PCDH15: variants seen among roughly 807,000 people sequenced by gnomAD.
PCDH15 encodes the protein protocadherin related 15.
Under a neutral mutation model 178.5 loss-of-function variants are expected in PCDH15, and 129 were observed. The ratio of observed to expected loss-of-function variants is 0.72; its 90% confidence interval spans 0.63 to 0.84. The LOEUF (loss-of-function observed/expected upper bound fraction) is 0.84, where lower values mean the gene tolerates loss of function less well. PCDH15 is among the 40% of genes least tolerant of loss of function. The pLI, the probability that PCDH15 is intolerant of heterozygous loss-of-function variation, is 0.00. For missense variants in PCDH15, 2,230 were observed against 2,099.9 expected, an observed-to-expected ratio of 1.06 and a Z score of -1.21; for synonymous variants, 800 against 732.0, an observed-to-expected ratio of 1.09 and a Z score of -1.50.
intron 15 of PCDH15, among the ~76,000 whole-genome samples, chr10:54,118,891 T>C (rs747957554): frequency 4.6e-5 from 7 of 151,226 alleles, no homozygotes; most frequent in South Asian, 2.1e-4. Context: ...AAAACGGGAA[T>C]CCAATGGAAT....
chr10:54,853,400 C>CAT (rs1275285752), intron 3 of PCDH15, among the ~76,000 whole-genome samples: 2 of 58,282 alleles, frequency 3.4e-5, no homozygotes, highest in African/African-American at 1.4e-4. Flanking sequence ...TATATATACA[C>CAT]ACACATATAT....
intron 14 of PCDH15, among the ~76,000 whole-genome samples, chr10:54,136,962 T>C (rs10733925): frequency 0.65 from 99,079 of 152,096 alleles, 34,155 homozygotes; most frequent in East Asian, 0.9. Context: ...CATGTCCCTA[T>C]AATGTGTTTA....
chr10:55,297,395 T>A (rs1843160259), intron 1 of PCDH15, among the ~76,000 whole-genome samples: 1 of 152,172 alleles, frequency 6.6e-6, no homozygotes, highest in Non-Finnish European at 1.5e-5. Context: ...CTTAATTGAA[T>A]TCACAGAACC....
rs566708282 is a variant in PCDH15 at position 55,081,212 on chromosome 10, AT to A, written c.-80+85363del. ...TCCTTCTCTGCCTCAGATGTTTCCT[AT>A]GTTGAGCTTCAGTGTTCTCTTTTAG... On this transcript the variant is annotated intron_variant, in intron 2 of 5. Coordinates refer to the PCDH15 transcript ENST00000458638. Among the ~76,000 whole-genome samples, 329 of 152,140 alleles carry A rather than the reference AT, an allele frequency of 2.2e-3. 1 individual carries two copies. Among genetic ancestry groups the A allele is most frequent in the Non-Finnish European group, 3.9e-3 (268 of 67,992 alleles).
intron 18 of PCDH15, among the ~76,000 whole-genome samples, chr10:54,045,289 G>C (rs897941881): frequency 6.6e-6 from 1 of 152,066 alleles, no homozygotes; most frequent in African/African-American, 2.4e-5. Flanking sequence ...TAGAGATCCT[G>C]GTTTTCTGAA....
At chr10:53,890,291 G>C (rs1387459076) in intron 26 of PCDH15, among the ~76,000 whole-genome samples, 2 of 152,116 alleles carry the variant, frequency 1.3e-5, no homozygotes, top group Non-Finnish European at 2.9e-5. Flanking sequence ...GCTAGACTTG[G>C]TGGCACATGC....
At chr10:54,107,975 G>A (rs7080145) in intron 15 of PCDH15, among the ~76,000 whole-genome samples, 88,245 of 151,878 alleles carry the variant, frequency 0.58, 26,415 homozygotes, top group Middle Eastern at 0.67. Flanking sequence ...CCCAAAGATG[G>A]TTACAAGGGC....
chr10:55,218,399 G>A (rs559561589), intron 1 of PCDH15, among the ~76,000 whole-genome samples: 1 of 152,022 alleles, frequency 6.6e-6, no homozygotes, highest in Admixed American at 6.6e-5. Flanking sequence ...ATATGAATGA[G>A]GAAAAGCAAT....
chr10:54,663,436 A>AAT (rs997278576), intron 2 of PCDH15, among the ~76,000 whole-genome samples: 30 of 148,088 alleles, frequency 2.0e-4, no homozygotes, highest in South Asian at 4.2e-4. Context: ...TATATATATA[A>AAT]ATATATATAT....
At position 54,247,530 on chromosome 10, in the gene PCDH15, A is replaced by G. The variant is rs557598261; in HGVS notation, c.877-10599T>C. ...TTTTGAGAATCTATTTATAATTTCA[A>G]TATCTTTGAGCTTCCTAAATTGCTG... On this transcript the variant is annotated intron_variant, in intron 8 of 37. Transcript: ENST00000644397. Among the ~76,000 whole-genome samples, 5 of 152,122 alleles carry G rather than the reference A, an allele frequency of 3.3e-5. No individual in the cohort carries two copies. In the East Asian group the frequency reaches 5.8e-4, roughly 18 times the overall value.
At position 54,752,476 on chromosome 10, in the gene PCDH15, CAA is replaced by C. The variant is rs755874514; in HGVS notation, c.-29+48447_-29+48448del. On this transcript the variant is annotated intron_variant, in intron 1 of 37. Coordinates refer to ENST00000644397, the MANE Select transcript of PCDH15 (RefSeq NM_001384140.1). Reference sequence around the variant, plus strand: ...TGGGTGACAGAACGAGACTCCGTCTCAAAAAAAAAAAAAAACAAAAAACAAAA... The same window carrying C: ...TGGGTGACAGAACGAGACTCCGTCTCAAAAAAAAAAAAACAAAAAACAAAA... Among the ~76,000 whole-genome samples, 329 of 89,762 alleles carry C rather than the reference CAA, an allele frequency of 3.7e-3. 14 individuals carry two copies. Among genetic ancestry groups the C allele is most frequent in the African/African-American group, 0.013 (284 of 22,692 alleles). 58.9% of individuals were successfully genotyped at this position (89,762 alleles called of 152,430 possible).
intron 2 of PCDH15, among the ~76,000 whole-genome samples, chr10:54,947,517 C>A (rs1838224654): frequency 3.3e-5 from 5 of 151,892 alleles, no homozygotes; most frequent in Admixed American, 3.3e-4. Context: ...AGAACTATTT[C>A]TTAAACCCAG....
chr10:54,451,129 T>C (rs12268071), intron 3 of PCDH15, among the ~76,000 whole-genome samples: 7,124 of 151,954 alleles, frequency 0.047, 356 homozygotes, highest in African/African-American at 0.12. Flanking sequence ...ATTGCCAAGA[T>C]TGCACTGACT....
intron 26 of PCDH15, among the ~76,000 whole-genome samples, chr10:53,877,845 G>C (rs2080357768): frequency 6.6e-6 from 1 of 152,032 alleles, no homozygotes; most frequent in African/African-American, 2.4e-5. Context: ...TCTCAGTTCT[G>C]TATAATACTT....
chr10:54,649,540 T>G (rs1470522837), intron 2 of PCDH15, among the ~76,000 whole-genome samples: 1 of 152,096 alleles, frequency 6.6e-6, no homozygotes, highest in Admixed American at 6.6e-5. Flanking sequence ...CTCTCATCAG[T>G]ATTCCAATTT....
intron 3 of PCDH15, among the ~76,000 whole-genome samples, chr10:54,876,886 G>A (rs902321080): frequency 1.4e-4 from 21 of 152,132 alleles, no homozygotes; most frequent in Non-Finnish European, 8.8e-5. Flanking sequence ...AGTTTGAGAG[G>A]ATTGACTAAT....
intron 29 of PCDH15, among the ~76,000 whole-genome samples, chr10:53,833,909 G>GT (rs2077155713): frequency 6.6e-6 from 1 of 152,154 alleles, no homozygotes; most frequent in East Asian, 1.9e-4. Flanking sequence ...TTCAGGAAAG[G>GT]TTGAATCCAG....
chr10:55,394,006 G>A (rs1312892780), intron 2 of PCDH15, among the ~76,000 whole-genome samples: 2 of 151,760 alleles, frequency 1.3e-5, no homozygotes, highest in East Asian at 3.9e-4. Flanking sequence ...CAAATATGCA[G>A]AATATTTGTG....
At chr10:54,195,993 T>A (rs559406840) in intron 10 of PCDH15, 104 bp from the exon 11 acceptor site, 2 of 990,430 alleles carry the variant, frequency 2.0e-6, no homozygotes, top group Admixed American at 2.2e-5. Flanking sequence ...TTAACTAATA[T>A]CATCACATAA....
Sources: gnomAD v4.1 joint callset for allele counts (sites outside exome capture counted in the v4.1 genomes callset) on GRCh38, gnomAD v4.1.1 for gene constraint, MANE v1.5 for transcripts, NCBI Gene and HGNC (gene_info 2026-07-23, HGNC 2026-07-21) for gene names.